ZMYND11: variants seen among roughly 807,000 people sequenced by gnomAD.
ZMYND11 encodes the protein zinc finger MYND-type containing 11, also known as zinc finger MYND domain-containing protein 11.
ZMYND11 carries 9 observed loss-of-function variants against 84.9 expected under a neutral mutation model. The ratio of observed to expected loss-of-function variants is 0.11; its 90% CI spans 0.06 to 0.18. The LOEUF (loss-of-function observed/expected upper bound fraction) is 0.18. Ranked by LOEUF, ZMYND11 falls within the 10% of genes least tolerant of loss-of-function variation. ZMYND11 has a pLI of 1.00. For missense variants in ZMYND11, 409 were observed against 761.0 expected (o/e 0.54, Z 5.44); for synonymous variants, 250 against 244.1 (o/e 1.02, Z -0.23).
chr10:241,512 C>T, intron 9 of ZMYND11, among the ~76,000 whole-genome samples: 1 of 151,940 alleles, frequency 6.6e-6, no homozygotes, highest in East Asian at 1.9e-4. Context: ...TTTTGTTTCT[C>T]CTTTCATCCT....
At chr10:188,314 C>T (rs1195936167) in intron 2 of ZMYND11, among the ~76,000 whole-genome samples, 1 of 151,946 alleles carries the variant, frequency 6.6e-6, no homozygotes. Context: ...AGACCATGTG[C>T]TGTGGTTCAC....
intron 2 of ZMYND11, among the ~76,000 whole-genome samples, chr10:204,665 T>A (rs556239445): frequency 2.3e-4 from 35 of 152,242 alleles, no homozygotes; most frequent in Admixed American, 2.2e-3. Context: ...TATTCTTGAT[T>A]AGGTTACAGA....
intron 3 of ZMYND11, among the ~76,000 whole-genome samples, chr10:213,374 T>C (rs1945604786): frequency 6.6e-6 from 1 of 152,170 alleles, no homozygotes; most frequent in East Asian, 1.9e-4. Flanking sequence ...TACCACCTTA[T>C]ATATAGGATG....
chr10:201,494 A>T (rs1419181895), intron 2 of ZMYND11, among the ~76,000 whole-genome samples: 2 of 152,120 alleles, frequency 1.3e-5, no homozygotes, highest in Non-Finnish European at 2.9e-5. Flanking sequence ...TAGAAGGCTT[A>T]AAAGTAGGTA....
intron 6 of ZMYND11, among the ~76,000 whole-genome samples, chr10:238,380 G>C (rs1195309161): frequency 3.3e-5 from 5 of 150,640 alleles, no homozygotes; most frequent in Non-Finnish European, 7.4e-5. Flanking sequence ...TTTTTGAGAC[G>C]GAGTCTCACT....
At chr10:154,980 A>C (rs1228431292) in intron 1 of ZMYND11, 2 of 151,936 alleles carry the variant, frequency 1.3e-5, no homozygotes, top group African/African-American at 4.8e-5. Context: ...TTTCCATGTA[A>C]TTTTCTCTCT....
chr10:193,853 G>T (rs973480602), intron 2 of ZMYND11, among the ~76,000 whole-genome samples: 2 of 152,072 alleles, frequency 1.3e-5, no homozygotes, highest in African/African-American at 4.8e-5. Context: ...ATCTTTTCTT[G>T]GTTAGCATGT....
intron 14 of ZMYND11, among the ~76,000 whole-genome samples, chr10:251,688 C>G (rs1953522490): frequency 1.3e-5 from 2 of 152,190 alleles, no homozygotes; most frequent in South Asian, 4.1e-4. Context: ...CTCTTCTCTT[C>G]TCCCATGACC....
chr10:155,373 G>A lies in ZMYND11; in HGVS notation c.-20+19814G>A, dbSNP rs550050442. On this transcript the variant is annotated intron_variant, in intron 1 of 14. Coordinates refer to ENST00000381604, the MANE Select transcript of ZMYND11 (RefSeq NM_001370100.5). ...TGGTATATAAAGAATTTTTGGCTGG[G>A]TATGGTGGCCCACACCTGTAATCCC... 7.8e-4 allele frequency among the ~76,000 whole-genome samples: 119 copies of A among 152,258 alleles called. 1 individual carries two copies. The highest frequency in any genetic ancestry group is 3.4e-3 in the Middle Eastern group (1 of 294).
At chr10:186,573 G>A (rs1938525368) in intron 2 of ZMYND11, among the ~76,000 whole-genome samples, 2 of 146,768 alleles carry the variant, frequency 1.4e-5, no homozygotes, top group Admixed American at 6.8e-5. Context: ...TCTGGGAGAC[G>A]GAGGTTGTGG....
chr10:199,979 C>T (rs1942740527), intron 2 of ZMYND11, among the ~76,000 whole-genome samples: 1 of 151,916 alleles, frequency 6.6e-6, no homozygotes, highest in Non-Finnish European at 1.5e-5. Flanking sequence ...ATCCTCCCAC[C>T]TCAGCCTCCT....
intron 4 of ZMYND11, among the ~76,000 whole-genome samples, chr10:230,860 C>T (rs1436720386): frequency 6.6e-6 from 1 of 152,138 alleles, no homozygotes; most frequent in Non-Finnish European, 1.5e-5. Flanking sequence ...TCAACTGATA[C>T]GTATCGAACG....
intron 4 of ZMYND11, among the ~76,000 whole-genome samples, chr10:234,651 G>C (rs1213117345): frequency 6.6e-6 from 1 of 152,164 alleles, no homozygotes; most frequent in Non-Finnish European, 1.5e-5. Context: ...CAGAGTTTGA[G>C]TTGGCATGAG....
chr10:207,354 A>G (rs1410845940), intron 2 of ZMYND11, among the ~76,000 whole-genome samples: 1 of 152,322 alleles, frequency 6.6e-6, no homozygotes, highest in East Asian at 1.9e-4. Context: ...GTATATACCC[A>G]CTAATGGGAT....
At chr10:208,677 A>G (rs921899525) in intron 2 of ZMYND11, among the ~76,000 whole-genome samples, 1 of 152,194 alleles carries the variant, frequency 6.6e-6, no homozygotes, top group African/African-American at 2.4e-5. Context: ...TGTTCTGTCA[A>G]TGCAGTTAAC....
intron 1 of ZMYND11, among the ~76,000 whole-genome samples, chr10:151,598 C>T (rs923645073): frequency 4.6e-5 from 7 of 152,090 alleles, no homozygotes; most frequent in Non-Finnish European, 1.0e-4. Context: ...ATTGGCGTAC[C>T]TGAAAGTCAC....
At chr10:215,245 G>T (rs940446009) in intron 3 of ZMYND11, among the ~76,000 whole-genome samples, 1 of 152,042 alleles carries the variant, frequency 6.6e-6, no homozygotes, top group Non-Finnish European at 1.5e-5. Flanking sequence ...TACCTACCAG[G>T]TTTGGTCTCA....
chr10:246,145 C>T (rs1001935771), intron 10 of ZMYND11, among the ~76,000 whole-genome samples: 3 of 152,152 alleles, frequency 2.0e-5, no homozygotes, highest in Non-Finnish European at 2.9e-5. Context: ...AGATATGTAT[C>T]GCACTTATGT....
At chr10:147,946 T>C (rs1564265821) in intron 1 of ZMYND11, 2 of 152,214 alleles carry the variant, frequency 1.3e-5, no homozygotes, top group Non-Finnish European at 2.9e-5. Flanking sequence ...CTAATCCTGA[T>C]AGGCATCAGA....
Sources: gnomAD v4.1 joint callset for allele counts (sites outside exome capture counted in the v4.1 genomes callset) on GRCh38, gnomAD v4.1.1 for gene constraint, MANE v1.5 for transcripts, NCBI Gene and HGNC (gene_info 2026-07-23, HGNC 2026-07-21) for gene names.